DOCK3: variants seen among roughly 807,000 people sequenced by gnomAD.
DOCK3 encodes the protein dedicator of cytokinesis 3.
In DOCK3, 60 loss-of-function variants were observed where a neutral mutation model predicts 265.6. The observed-to-expected ratio is 0.23, with a 90% CI of 0.18 to 0.28. The LOEUF is 0.28. Among genes scored for constraint, DOCK3 ranks in the 10% least tolerant of loss-of-function variants. The pLI is 1.00. For missense variants in DOCK3, 1,981 were observed against 2,594.3 expected (o/e 0.76, Z 5.14); for synonymous variants, 881 against 938.0 (o/e 0.94, Z 1.11).
At chr3:51,206,123 C>T (rs1352237047) in intron 12 of DOCK3, among the ~76,000 whole-genome samples, 4 of 152,112 alleles carry the variant, frequency 2.6e-5, no homozygotes, top group Admixed American at 1.3e-4. Flanking sequence ...TAAGATAAAT[C>T]TAGTAATGAT....
At chr3:51,285,159 A>G (rs2081339463) in intron 27 of DOCK3, among the ~76,000 whole-genome samples, 1 of 152,106 alleles carries the variant, frequency 6.6e-6, no homozygotes, top group Non-Finnish European at 1.5e-5. Context: ...GACAAACACA[A>G]AGATTTGAGA....
At chr3:50,787,348 C>T (rs1202935650) in intron 2 of DOCK3, 2 of 403,450 alleles carry the variant, frequency 5.0e-6, no homozygotes, top group Admixed American at 7.5e-5. Context: ...CCAGCCTGAT[C>T]AACATGTAGA....
chr3:50,773,795 A>G (rs1184645329), intron 1 of DOCK3, among the ~76,000 whole-genome samples: 1 of 152,032 alleles, frequency 6.6e-6, no homozygotes. Context: ...GTTCAATGCA[A>G]TAAATCCTAG....
chr3:50,880,449 C>G (rs2047964703), intron 3 of DOCK3: 3 of 155,250 alleles, frequency 1.9e-5, no homozygotes, highest in Admixed American at 1.3e-4. Context: ...GGGGATATCA[C>G]CGCCGATCCC....
intron 48 of DOCK3, 99 bp downstream of exon 48, chr3:51,362,096 A>T (rs1398489155): frequency 7.0e-7 from 1 of 1,421,782 alleles, no homozygotes; most frequent in African/African-American, 1.4e-5. Flanking sequence ...ACCCTGCCTA[A>T]TTCTCTAGCT....
chr3:50,887,461 T>C (rs2048402629), intron 3 of DOCK3, among the ~76,000 whole-genome samples: 1 of 116,012 alleles, frequency 8.6e-6, no homozygotes. Context: ...CCATTCCTTC[T>C]ACAAACTATT....
intron 5 of DOCK3, among the ~76,000 whole-genome samples, chr3:50,956,361 T>C (rs13086922): frequency 0.094 from 14,362 of 152,240 alleles, 837 homozygotes; most frequent in Non-Finnish European, 0.12. Flanking sequence ...ATGTCTTCAC[T>C]ACAACTCCTT....
intron 1 of DOCK3, among the ~76,000 whole-genome samples, chr3:50,740,852 C>A (rs1237225398): frequency 6.6e-6 from 1 of 151,868 alleles, no homozygotes; most frequent in Non-Finnish European, 1.5e-5. Context: ...CATAAAGTGA[C>A]CATTTTAACA....
chr3:51,191,803 A>G (rs1189077073), intron 12 of DOCK3, among the ~76,000 whole-genome samples: 2 of 151,874 alleles, frequency 1.3e-5, no homozygotes, highest in Admixed American at 1.3e-4. Context: ...AAAAACACAC[A>G]AAAACTCTTT....
intron 5 of DOCK3, among the ~76,000 whole-genome samples, chr3:51,009,344 G>C (rs979895048): frequency 3.9e-5 from 6 of 152,058 alleles, no homozygotes; most frequent in Non-Finnish European, 1.5e-5. Context: ...GTTTAGTCTT[G>C]GGAGGATGTA....
intron 3 of DOCK3, among the ~76,000 whole-genome samples, chr3:50,848,820 G>A (rs1328213375): frequency 6.6e-6 from 1 of 152,082 alleles, no homozygotes; most frequent in Non-Finnish European, 1.5e-5. Context: ...GAGTTCTTGT[G>A]TCTAGATGTC....
Position 51,097,723 on chromosome 3 carries a change from A to G in DOCK3, c.746+7339A>G, listed in dbSNP as rs1027052927. ...ACGGCCGCCTAGTTTTGTGCTTGAA[A>G]TCCAGGGCCCTGGTGGCGTAGGCAC... is the stretch of plus-strand genomic sequence containing the variant. On this transcript the variant is annotated intron_variant, in intron 9 of 52. Transcript: ENST00000266037. Among the ~76,000 whole-genome samples, 3 of 152,226 alleles carry G rather than the reference A, an allele frequency of 2.0e-5. No homozygotes were observed. The South Asian group carries it at 6.2e-4, about 32-fold the overall frequency.
intron 5 of DOCK3, among the ~76,000 whole-genome samples, chr3:50,956,642 G>A (rs893586313): frequency 6.6e-6 from 1 of 152,126 alleles, no homozygotes; most frequent in African/African-American, 2.4e-5. Context: ...ATAAGGAAAT[G>A]GAAGATTAGA....
intron 27 of DOCK3, among the ~76,000 whole-genome samples, chr3:51,291,211 TCAAA>T (rs1329063331): frequency 1.3e-5 from 2 of 151,628 alleles, no homozygotes; most frequent in African/African-American, 4.9e-5. Flanking sequence ...AAGCAAGATC[TCAAA>T]CAACCCAATG....
At chr3:50,967,273 G>T (rs988005859) in intron 5 of DOCK3, among the ~76,000 whole-genome samples, 1 of 152,020 alleles carries the variant, frequency 6.6e-6, no homozygotes, top group Non-Finnish European at 1.5e-5. Context: ...TGTGATATTT[G>T]TCATTCTGTG....
intron 5 of DOCK3, among the ~76,000 whole-genome samples, chr3:51,014,783 G>A (rs548782439): frequency 6.6e-6 from 1 of 152,138 alleles, no homozygotes; most frequent in South Asian, 2.1e-4. Context: ...CCAATCCATG[G>A]ACTATCTTTC....
chr3:51,217,946 C>T (rs1212917426), intron 14 of DOCK3, among the ~76,000 whole-genome samples: 5 of 151,438 alleles, frequency 3.3e-5, no homozygotes, highest in Non-Finnish European at 7.4e-5. Flanking sequence ...GGTGAAACCC[C>T]ATCTCTACTA....
intron 2 of DOCK3, among the ~76,000 whole-genome samples, chr3:50,790,449 A>G (rs1258754784): frequency 7.9e-6 from 1 of 126,890 alleles, no homozygotes; most frequent in Non-Finnish European, 1.7e-5. Context: ...GTGTATTTTG[A>G]GGTTTTTGTT....
At chr3:51,040,311 T>C (rs2080432094) in intron 5 of DOCK3, among the ~76,000 whole-genome samples, 1 of 151,738 alleles carries the variant, frequency 6.6e-6, no homozygotes, top group African/African-American at 2.4e-5. Flanking sequence ...GTAAATGTGG[T>C]TCCAGATTAC....
Sources: gnomAD v4.1 joint callset for allele counts (sites outside exome capture counted in the v4.1 genomes callset) on GRCh38, gnomAD v4.1.1 for gene constraint, MANE v1.5 for transcripts, NCBI Gene and HGNC (gene_info 2026-07-23, HGNC 2026-07-21) for gene names.